The following CD163L1 variants were observed in gnomAD, a reference collection of about 807,000 sequenced individuals.
CD163L1 encodes the protein CD163 molecule like 1.
Under a neutral mutation model 165.4 loss-of-function variants are expected in CD163L1, and 124 were observed. The observed-to-expected ratio is 0.75, with a 90% CI of 0.65 to 0.87. CD163L1 has a LOEUF of 0.87. Among genes scored for constraint, CD163L1 ranks in the 40% least tolerant of loss-of-function variants. The probability of loss-of-function intolerance (pLI) is 0.00; values close to 1 mark genes in which losing one functional copy is unlikely to be tolerated. For missense variants in CD163L1, 1,525 were observed against 1,799.9 expected (o/e 0.85, Z 2.76); for synonymous variants, 585 against 662.2 (o/e 0.88, Z 1.79).
Position 7,407,782 on chromosome 12 carries a change from TACACAC to T in CD163L1, c.767-936_767-931del, listed in dbSNP as rs57031012. 1.3e-3 allele frequency among the ~76,000 whole-genome samples: 186 copies of T among 143,986 alleles called. 1 individual carries two copies. Among genetic ancestry groups the T allele is most frequent in the Admixed American group, 4.0e-3 (58 of 14,430 alleles). The allele number at this position is 143,986 out of a possible 152,430, so 94.5% of individuals were successfully genotyped here. Reference sequence around the variant, plus strand: ...GTGTATATATACACACACACATCCATACACACACACACACACACACACACAGACACA... The same window carrying T: ...GTGTATATATACACACACACATCCATACACACACACACACACACAGACACA... On this transcript the variant is annotated intron_variant, in intron 4 of 19. Coordinates refer to ENST00000313599, the MANE Select transcript of CD163L1 (RefSeq NM_174941.6).
the CD163L1 span, among the ~76,000 whole-genome samples, chr12:7,332,132 G>A: frequency 5.9e-5 from 9 of 152,134 alleles, no homozygotes; most frequent in East Asian, 1.9e-4. Context: ...ACTATGTGAC[G>A]AATGCACAAG....
In CD163L1 at chr12:7,364,374, G is replaced by T. The variant is rs771527604; in HGVS notation, c.4279+2862C>A. 2.6e-5 allele frequency among the ~76,000 whole-genome samples: 4 copies of T among 152,210 alleles called. No individual in the cohort carries two copies. In the South Asian group the frequency reaches 6.2e-4, roughly 24 times the overall value. The stretch of plus-strand genomic sequence containing the variant: ...ATAGAAAACATTTCCTGCAAAATGT[G>T]CAACAAGGCAAAGATGTCCATTTTC... On this transcript the variant is annotated intron_variant, in intron 18 of 19. Transcript: ENST00000313599.
intron 8 of CD163L1, among the ~76,000 whole-genome samples, chr12:7,381,239 A>G (rs1362333093): frequency 1.3e-5 from 2 of 152,174 alleles, no homozygotes; most frequent in African/African-American, 2.4e-5. Flanking sequence ...GACCAGATCA[A>G]ACCTGACCAA....
intron 4 of CD163L1, among the ~76,000 whole-genome samples, chr12:7,409,616 C>T (rs1948093952): frequency 6.6e-6 from 1 of 152,176 alleles, no homozygotes; most frequent in African/African-American, 2.4e-5. Context: ...TCTCACCGCC[C>T]ACTGCGTGGC....
At position 7,374,634 on chromosome 12, in the gene CD163L1, C is replaced by T. The variant is rs1947221208; in HGVS notation, c.3217G>A (p.Val1073Met). ...ACTCCACAGCCCAGCTTTTGACACACCACGTGGGCATCGCTCAGGTCCCAG... is the reference window on the plus strand; with the variant it reads ...ACTCCACAGCCCAGCTTTTGACACATCACGTGGGCATCGCTCAGGTCCCAG... ...DGWDLSDAHV[V>M]CQKLGCGVAF... Residue 1073 changes from valine to methionine, a missense_variant, in exon 13 of 20, where the codon GTG becomes ATG. Transcript: ENST00000313599. The surrounding 1 kb of genome is among the most constrained non-coding windows in gnomAD (Gnocchi z 5.4). 3 of 1,614,228 alleles carry T rather than the reference C, an allele frequency of 1.9e-6. No individual in the cohort carries two copies. Among genetic ancestry groups the T allele is most frequent in the Admixed American group, 1.7e-5 (1 of 60,028 alleles).
At chr12:7,439,211 A>G in intron 2 of CD163L1, 1 of 1,580,288 alleles carries the variant, frequency 6.3e-7, no homozygotes. Context: ...TTCAGATTCC[A>G]CCTGGGATTC....
At chr12:7,442,596 G>A (rs954872235) in intron 1 of CD163L1, among the ~76,000 whole-genome samples, 1 of 152,152 alleles carries the variant, frequency 6.6e-6, no homozygotes, top group Non-Finnish European at 1.5e-5. Context: ...ACGAAACAGG[G>A]AGAAATAAGT....
intron 8 of CD163L1, among the ~76,000 whole-genome samples, chr12:7,386,953 T>C (rs926138799): frequency 6.6e-6 from 1 of 152,148 alleles, no homozygotes; most frequent in Admixed American, 6.5e-5. Context: ...TTATTTAACA[T>C]AGTACTGGAA....
Position 7,406,919 on chromosome 12 carries a change from TG to T in CD163L1, c.767-68del, listed in dbSNP as rs2136533656. On this transcript the variant is annotated intron_variant, in intron 4 of 19. Coordinates refer to ENST00000313599, the MANE Select transcript of CD163L1 (RefSeq NM_174941.6). ...ATCAGAAACTTCAGATTCCAGATCC[TG>T]CTATCCAAATAAACACAAATATATA... 2.1e-6 allele frequency: 3 copies of T among 1,397,914 alleles called. No individual in the cohort carries two copies. The East Asian group carries it at 6.8e-5, about 32-fold the overall frequency. 86.6% of individuals were successfully genotyped at this position (1,397,914 alleles called of 1,614,324 possible). A position where few individuals can be genotyped will look rare whatever the true frequency, so the allele number is the denominator to read the frequency against.
chr12:7,325,700 A>G, the CD163L1 span, among the ~76,000 whole-genome samples: 3 of 152,210 alleles, frequency 2.0e-5, no homozygotes, highest in African/African-American at 7.2e-5. Context: ...AACAAGTCTC[A>G]TGAGCCTATT....
At chr12:7,331,831 G>GA in the CD163L1 span, among the ~76,000 whole-genome samples, 2 of 152,120 alleles carry the variant, frequency 1.3e-5, no homozygotes, top group Non-Finnish European at 2.9e-5. Flanking sequence ...CAAAGATGGG[G>GA]AAAAAACAGA....
At chr12:7,351,477 T>G (rs1314074127), downstream of CD163L1, among the ~76,000 whole-genome samples, 1 of 152,180 alleles carries the variant, frequency 6.6e-6, no homozygotes, top group Non-Finnish European at 1.5e-5. Context: ...GAGAGCACTC[T>G]GATGTCTCTT....
chr12:7,382,151 A>G (rs1947424745), intron 8 of CD163L1, among the ~76,000 whole-genome samples: 1 of 151,838 alleles, frequency 6.6e-6, no homozygotes. Context: ...TCTGTAGTTT[A>G]CAATACAGAT....
intron 4 of CD163L1, among the ~76,000 whole-genome samples, chr12:7,408,615 C>A (rs76641617): frequency 0.012 from 1,866 of 152,150 alleles, 45 homozygotes; most frequent in African/African-American, 0.042. Flanking sequence ...AAGAACACTC[C>A]AAATTTTCTC....
At chr12:7,410,628 G>A (rs922757876) in intron 4 of CD163L1, among the ~76,000 whole-genome samples, 4 of 140,588 alleles carry the variant, frequency 2.8e-5, no homozygotes, top group African/African-American at 8.2e-5. Flanking sequence ...GGAGAGCGAC[G>A]AGACCATCCT....
downstream of CD163L1, among the ~76,000 whole-genome samples, chr12:7,354,549 A>G (rs766120000): frequency 1.3e-4 from 20 of 152,128 alleles, no homozygotes; most frequent in Non-Finnish European, 8.8e-5. Context: ...CAGAAGTAGG[A>G]GTAGGATACG....
intron 1 of CD163L1, among the ~76,000 whole-genome samples, chr12:7,442,583 A>G (rs1948845121): frequency 2.0e-5 from 3 of 152,222 alleles, no homozygotes; most frequent in Admixed American, 1.3e-4. Flanking sequence ...CCCTCCCTAT[A>G]GAACGAAACA....
Position 7,398,436 on chromosome 12 carries a change from A to G in CD163L1, c.1557T>C (p.Cys519=). The G allele has an allele frequency of 6.2e-7, 1 of 1,614,118 alleles. No individual in the cohort carries two copies. The highest frequency in any genetic ancestry group is 1.3e-5 in the African/African-American group (1 of 75,046). ...TACCAAACACATGCAAAGGCTTTCC[A>G]CATCCCAATTGTTTACAAACAACAG... The part of the protein sequence containing the change: ...NAAVVCKQLG[C]GKPLHVFGMT... Residue 519 remains cysteine, a synonymous_variant, in exon 7 of 20, where the codon TGT becomes TGC. Transcript: ENST00000313599. This position sits in a 1 kb window ranked among gnomAD's most constrained non-coding sequence, Gnocchi z 4.5.
chr12:7,444,038 T>C, intron 1 of CD163L1, 59 bp downstream of exon 1: 6 of 1,453,878 alleles, frequency 4.1e-6, no homozygotes, highest in Non-Finnish European at 5.8e-6. Flanking sequence ...TTGTTACACA[T>C]ATTCTTAGTA....
Sources: allele counts gnomAD v4.1 joint callset (sites outside exome capture counted in the v4.1 genomes callset), GRCh38; gene constraint gnomAD v4.1.1; non-coding constraint Gnocchi (gnomAD v3.1); transcripts MANE v1.5; gene names NCBI Gene and HGNC (gene_info 2026-07-23, HGNC 2026-07-21).